The following ARF4 variants were observed in gnomAD, a reference collection of about 807,000 sequenced individuals.
ARF4 encodes ARF GTPase 4, also known as ADP-ribosylation factor 4.
A neutral mutation model predicts 24.3 loss-of-function variants in ARF4; 5 were observed. That is an observed-to-expected ratio of 0.21 (90% CI 0.11 to 0.43). ARF4 has a LOEUF of 0.43. Among genes scored for constraint, ARF4 ranks in the 20% least tolerant of loss-of-function variants. The probability of loss-of-function intolerance (pLI) is 1.00; values close to 1 mark genes in which losing one functional copy is unlikely to be tolerated. For synonymous variants in ARF4, 62 were observed against 73.5 expected (o/e 0.84, Z 0.80); for missense variants, 107 against 213.0 (o/e 0.50, Z 3.10).
At chr3:57,575,480 T>C (rs2153408430) in intron 5 of ARF4, 68 bp downstream of exon 5, 1 of 1,454,820 alleles carries the variant, frequency 6.9e-7, no homozygotes. Context: ...AAACTGAATA[T>C]TAGCTTACAC....
intron 1 of ARF4, among the ~76,000 whole-genome samples, chr3:57,589,197 G>C (rs142832098): frequency 0.024 from 3,655 of 152,272 alleles, 67 homozygotes; most frequent in Non-Finnish European, 0.035. Flanking sequence ...GACCCCAGGA[G>C]GTCAAGGCTG....
At chr3:57,585,048 G>A (rs943443189) in intron 1 of ARF4, among the ~76,000 whole-genome samples, 2 of 152,110 alleles carry the variant, frequency 1.3e-5, no homozygotes, top group Non-Finnish European at 2.9e-5. Context: ...ATTTTTAGTA[G>A]AGACGGGGTT....
At chr3:57,582,127 G>A (rs1021892135) in intron 3 of ARF4, among the ~76,000 whole-genome samples, 8 of 152,110 alleles carry the variant, frequency 5.3e-5, no homozygotes, top group Admixed American at 2.6e-4. Context: ...CAAGAATTTC[G>A]GATAAGGAAT....
intron 3 of ARF4, among the ~76,000 whole-genome samples, chr3:57,579,394 TCTC>T (rs2069944719): frequency 6.6e-6 from 1 of 151,556 alleles, no homozygotes; most frequent in South Asian, 2.1e-4. Context: ...TTCAAATAAT[TCTC>T]CTGCCTCAGC....
chr3:57,571,895 T>G lies in ARF4; in HGVS notation c.*317A>C, dbSNP rs1218191999. 1 of 236,622 alleles carries G rather than the reference T, an allele frequency of 4.2e-6. No individual in the cohort carries two copies. The highest frequency in any genetic ancestry group is 8.2e-6 in the Non-Finnish European group (1 of 121,528). 14.7% of individuals were successfully genotyped at this position (236,622 alleles called of 1,614,324 possible). A position where few individuals can be genotyped will look rare whatever the true frequency, so the allele number is the denominator to read the frequency against. Reference sequence around the variant, plus strand: ...TAGCAAGGGGATAACTTTAAAACATTATTTGTCTGGGGCTCAAAAAACACT... The same window carrying G: ...TAGCAAGGGGATAACTTTAAAACATGATTTGTCTGGGGCTCAAAAAACACT... On this transcript the variant is annotated 3_prime_UTR_variant, in exon 6 of 6. Transcript: ENST00000303436.
At chr3:57,590,346 C>G (rs1248768950) in intron 1 of ARF4, among the ~76,000 whole-genome samples, 1 of 151,216 alleles carries the variant, frequency 6.6e-6, no homozygotes, top group Non-Finnish European at 1.5e-5. Context: ...ATTAGCCGGG[C>G]GCAGTGGCGG....
At chr3:57,589,776 A>G (rs1360294879) in intron 1 of ARF4, among the ~76,000 whole-genome samples, 1 of 151,654 alleles carries the variant, frequency 6.6e-6, no homozygotes, top group Admixed American at 6.6e-5. Flanking sequence ...TGGCAGCAAG[A>G]AATACTTACA....
chr3:57,580,771 A>AT (rs2069960773), intron 3 of ARF4, among the ~76,000 whole-genome samples: 1 of 143,072 alleles, frequency 7.0e-6, no homozygotes, highest in African/African-American at 2.5e-5. Flanking sequence ...TCCCATTTTT[A>AT]TTCTTTTTTT....
At chr3:57,593,469 C>T (rs1361084576) in intron 1 of ARF4, among the ~76,000 whole-genome samples, 1 of 152,106 alleles carries the variant, frequency 6.6e-6, no homozygotes, top group Admixed American at 6.6e-5. Context: ...ATCCTTTCTC[C>T]TGAACATCTC....
intron 5 of ARF4, among the ~76,000 whole-genome samples, chr3:57,574,024 C>T (rs2069874332): frequency 6.6e-6 from 1 of 152,176 alleles, no homozygotes; most frequent in Non-Finnish European, 1.5e-5. Context: ...TCACTGCAAC[C>T]TCTGCTGCCT....
Position 57,584,368 on chromosome 3 carries a change from CT to C in ARF4, c.148+15del, listed in dbSNP as rs2070012317. The C allele has an allele frequency of 6.4e-7, 1 of 1,571,170 alleles. No homozygotes were observed. The highest frequency in any genetic ancestry group is 1.4e-5 in the African/African-American group (1 of 73,870). On this transcript the variant is annotated intron_variant, in intron 2 of 5. Transcript: ENST00000303436. ...ACAACATATCATGATATAAAGTCAT[CT>C]GTAAACTTTCTTACCAATGGTAGGA... is the stretch of plus-strand genomic sequence containing the variant.
intron 1 of ARF4, among the ~76,000 whole-genome samples, chr3:57,593,776 C>G (rs1331165489): frequency 6.6e-6 from 1 of 152,120 alleles, no homozygotes; most frequent in Non-Finnish European, 1.5e-5. Context: ...GTGGCTCGCC[C>G]TGTAACCCTA....
intron 5 of ARF4, among the ~76,000 whole-genome samples, chr3:57,574,407 A>ATT (rs2069878902): frequency 2.5e-5 from 2 of 81,164 alleles, no homozygotes; most frequent in Non-Finnish European, 5.9e-5. Flanking sequence ...GAGAAGTACA[A>ATT]ATTTTTTTTT....
chr3:57,573,384 ATTTAAGGCATAGTTTACT>A (rs2069863587), intron 5 of ARF4, among the ~76,000 whole-genome samples: 1 of 152,152 alleles, frequency 6.6e-6, no homozygotes. Context: ...AACAATTTAC[ATTTAAGGCATAGTTTACT>A]TTTATTAATT....
intron 1 of ARF4, among the ~76,000 whole-genome samples, chr3:57,588,091 G>T (rs73834709): frequency 6.6e-6 from 1 of 152,118 alleles, no homozygotes; most frequent in Non-Finnish European, 1.5e-5. Flanking sequence ...TCCACAAAAT[G>T]AAAACTATTA....
At chr3:57,578,638 C>G (rs2153408611) in intron 3 of ARF4, among the ~76,000 whole-genome samples, 1 of 152,164 alleles carries the variant, frequency 6.6e-6, no homozygotes, top group African/African-American at 2.4e-5. Flanking sequence ...TGCCACCACA[C>G]CTAGCTAATT....
chr3:57,573,498 G>GC (rs1237377242), intron 5 of ARF4, among the ~76,000 whole-genome samples: 1 of 152,114 alleles, frequency 6.6e-6, no homozygotes, highest in African/African-American at 2.4e-5. Flanking sequence ...AACCTAGGAG[G>GC]CTGGGGAAAG....
At chr3:57,588,722 T>C (rs1350604375) in intron 1 of ARF4, among the ~76,000 whole-genome samples, 2 of 129,372 alleles carry the variant, frequency 1.5e-5, no homozygotes, top group East Asian at 4.5e-4. Context: ...GTTGGGAGGC[T>C]GAGGCAGGTG....
intron 4 of ARF4, among the ~76,000 whole-genome samples, 160 bp downstream of exon 4, chr3:57,577,156 C>A (rs752104569): frequency 6.6e-6 from 1 of 151,956 alleles, no homozygotes. Context: ...TTTTGAAGTA[C>A]ATTATTAAGA....
Sources: gnomAD v4.1 joint callset for allele counts (sites outside exome capture counted in the v4.1 genomes callset) on GRCh38, gnomAD v4.1.1 for gene constraint, MANE v1.5 for transcripts, NCBI Gene and HGNC (gene_info 2026-07-23, HGNC 2026-07-21) for gene names.